The following WASHC2C variants were observed in gnomAD, a reference collection of about 807,000 sequenced individuals.
WASHC2C encodes the protein WASH complex subunit 2C.
In WASHC2C, 73 loss-of-function variants were observed where a neutral mutation model predicts 142.2. The ratio of observed to expected loss-of-function variants is 0.51; its 90% CI spans 0.43 to 0.62. The LOEUF (loss-of-function observed/expected upper bound fraction) is 0.62, where lower values mean the gene tolerates loss of function less well. WASHC2C is among the 20% of genes least tolerant of loss of function. WASHC2C has a pLI of 0.00. For synonymous variants in WASHC2C, 337 were observed against 565.5 expected, an observed-to-expected ratio of 0.60 and a Z score of 5.73; for missense variants, 969 against 1,531.7, an observed-to-expected ratio of 0.63 and a Z score of 6.13.
At chr10:45,786,756 G>A (rs1196406832) in intron 27 of WASHC2C, 82 bp downstream of exon 27, 5 of 1,609,530 alleles carry the variant, frequency 3.1e-6, no homozygotes, top group East Asian at 4.5e-5. Flanking sequence ...GTCAGCTGCT[G>A]CCAAACATCT....
At chr10:45,738,233 C>G (rs1300569057) in intron 4 of WASHC2C, among the ~76,000 whole-genome samples, 188 bp downstream of exon 4, 1 of 152,046 alleles carries the variant, frequency 6.6e-6, no homozygotes, top group East Asian at 1.9e-4. Context: ...ATACAGAGAT[C>G]AAATCCTTGA....
chr10:45,750,848 A>G lies in WASHC2C; in HGVS notation c.931+10A>G, dbSNP rs2053493993. ...GACGAGGAGCCGACAAGTGAGCCCC[A>G]GCCACGTTGATGGGGAGTAGGGGAG... On this transcript the variant is annotated intron_variant, in intron 10 of 30. Transcript: ENST00000623400. The G allele has an allele frequency of 1.3e-6, 2 of 1,547,406 alleles. No individual in the cohort carries two copies. The highest frequency in any genetic ancestry group is 2.3e-4 in the Middle Eastern group (1 of 4,362).
chr10:45,761,181 G>T (rs1232403083), intron 17 of WASHC2C, among the ~76,000 whole-genome samples: 164 of 151,332 alleles, frequency 1.1e-3, no homozygotes, highest in African/African-American at 3.9e-3. Context: ...TCATATGTCT[G>T]GTACCTGGGC....
intron 26 of WASHC2C, 63 bp from the exon 27 acceptor site, chr10:45,786,549 C>A: frequency 1.3e-6 from 2 of 1,566,350 alleles, no homozygotes; most frequent in Non-Finnish European, 1.8e-6. Flanking sequence ...TATTTACAGG[C>A]ATAAGAAACA....
intron 19 of WASHC2C, 56 bp from the exon 20 acceptor site, chr10:45,769,393 T>C (rs1467198648): frequency 6.2e-5 from 93 of 1,501,520 alleles, no homozygotes; most frequent in Middle Eastern, 2.4e-4. Context: ...GCTGGGATTA[T>C]AGGTATGAGC....
intron 3 of WASHC2C, among the ~76,000 whole-genome samples, chr10:45,729,967 A>G (rs2050338658): frequency 6.6e-6 from 1 of 151,862 alleles, no homozygotes; most frequent in Non-Finnish European, 1.5e-5. Context: ...CTATATATAA[A>G]ATAAAGACAT....
intron 19 of WASHC2C, among the ~76,000 whole-genome samples, chr10:45,768,149 C>G (rs1554883121): frequency 6.6e-6 from 1 of 151,798 alleles, no homozygotes; most frequent in East Asian, 1.9e-4. Flanking sequence ...ATCACTTGAA[C>G]CCGGGAGGCA....
intron 19 of WASHC2C, among the ~76,000 whole-genome samples, chr10:45,766,304 G>A (rs1250063262): frequency 8.5e-5 from 13 of 152,268 alleles, no homozygotes; most frequent in African/African-American, 3.1e-4. Flanking sequence ...TGACCTGATG[G>A]GAATAAGCTG....
intron 3 of WASHC2C, among the ~76,000 whole-genome samples, chr10:45,731,939 C>T (rs2050652922): frequency 6.6e-6 from 1 of 151,808 alleles, no homozygotes; most frequent in African/African-American, 2.4e-5. Context: ...GGATGACAGG[C>T]ACCCGCCACC....
At position 45,731,469 on chromosome 10, in the gene WASHC2C, C is replaced by T. The variant is rs56367027; in HGVS notation, c.291+2443C>T. Reference sequence around the variant, plus strand: ...GAACTTCTGACCTCAAGCGATCTGCCCATTGCAACCTCCGCCTCCCGGGTT... The same window carrying T: ...GAACTTCTGACCTCAAGCGATCTGCTCATTGCAACCTCCGCCTCCCGGGTT... On this transcript the variant is annotated intron_variant, in intron 3 of 30. Transcript: ENST00000623400. Among the ~76,000 whole-genome samples, 313 of 142,050 alleles carry T rather than the reference C, an allele frequency of 2.2e-3. 3 individuals carry two copies. The highest frequency in any genetic ancestry group is 0.011 in the Middle Eastern group (3 of 284). 93.2% of individuals were successfully genotyped at this position (142,050 alleles called of 152,430 possible).
At chr10:45,760,000 G>C (rs2054886466) in intron 17 of WASHC2C, among the ~76,000 whole-genome samples, 1 of 149,202 alleles carries the variant, frequency 6.7e-6, no homozygotes, top group Admixed American at 6.7e-5. Context: ...TGAGGAGCTT[G>C]CACCAGAGTG....
chr10:45,766,352 T>G (rs1179508989), intron 19 of WASHC2C, among the ~76,000 whole-genome samples: 1 of 150,892 alleles, frequency 6.6e-6, no homozygotes, highest in Non-Finnish European at 1.5e-5. Flanking sequence ...CAGATCATTC[T>G]CTGCATCTTT....
At chr10:45,755,575 A>C (rs1387528228) in intron 15 of WASHC2C, among the ~76,000 whole-genome samples, 3 of 152,304 alleles carry the variant, frequency 2.0e-5, no homozygotes, top group African/African-American at 7.2e-5. Flanking sequence ...CCACTTTGGC[A>C]TTCTCCTCTC....
intron 8 of WASHC2C, among the ~76,000 whole-genome samples, chr10:45,749,525 A>G (rs2053271549): frequency 6.6e-6 from 1 of 150,866 alleles, no homozygotes; most frequent in Admixed American, 6.6e-5. Flanking sequence ...TTACATTCTT[A>G]TAAAGGATAC....
chr10:45,730,070 C>T (rs1406203053), intron 3 of WASHC2C, among the ~76,000 whole-genome samples: 5 of 135,448 alleles, frequency 3.7e-5, no homozygotes, highest in East Asian at 4.3e-4. Context: ...TTCGGCCAGG[C>T]GTGGTGGCTC....
chr10:45,757,356 T>G (rs1224773087), intron 16 of WASHC2C, among the ~76,000 whole-genome samples: 1 of 147,904 alleles, frequency 6.8e-6, no homozygotes, highest in Non-Finnish European at 1.5e-5. Context: ...TAAACCTTGT[T>G]ACATATCTAT....
chr10:45,757,910 T>C (rs1369834044), intron 16 of WASHC2C, among the ~76,000 whole-genome samples: 5 of 152,236 alleles, frequency 3.3e-5, no homozygotes, highest in Admixed American at 6.5e-5. Flanking sequence ...TGGACTGGTC[T>C]GCAGCCCAGG....
At chr10:45,778,615 G>A in intron 22 of WASHC2C, among the ~76,000 whole-genome samples, 1 of 150,858 alleles carries the variant, frequency 6.6e-6, no homozygotes, top group Non-Finnish European at 1.5e-5. Flanking sequence ...ACTTGTATTG[G>A]TTATCTTTGA....
At chr10:45,737,004 A>T (rs2610469) in intron 3 of WASHC2C, among the ~76,000 whole-genome samples, 10 of 151,968 alleles carry the variant, frequency 6.6e-5, no homozygotes, top group African/African-American at 2.4e-4. Flanking sequence ...TTTGAGATAG[A>T]GTCTCACTTT....
Sources: gnomAD v4.1 joint callset for allele counts (sites outside exome capture counted in the v4.1 genomes callset) on GRCh38, gnomAD v4.1.1 for gene constraint, MANE v1.5 for transcripts, NCBI Gene and HGNC (gene_info 2026-07-23, HGNC 2026-07-21) for gene names.